The following ZNF800 variants were observed in gnomAD, a reference collection of about 807,000 sequenced individuals.
ZNF800 encodes zinc finger protein 800.
In ZNF800, 13 loss-of-function variants were observed where a neutral mutation model predicts 59.5. That is an observed-to-expected ratio of 0.22 (90% CI 0.14 to 0.35). The LOEUF (loss-of-function observed/expected upper bound fraction) is 0.35. Among genes scored for constraint, ZNF800 ranks in the 10% least tolerant of loss-of-function variants. ZNF800 has a pLI of 1.00. For synonymous variants in ZNF800, 266 were observed against 265.7 expected (o/e 1.00, Z -0.01); for missense variants, 621 against 783.7 (o/e 0.79, Z 2.48).
chr7:127,379,836 A>ACCCCCCCCCCCCCCCCCCCCCC (rs71179574), intron 3 of ZNF800, among the ~76,000 whole-genome samples: 23 of 27,648 alleles, frequency 8.3e-4, no homozygotes, highest in Admixed American at 1.9e-3. Flanking sequence ...TACCCTTGCC[A>ACCCCCCCCCCCCCCCCCCCCCC]CCCCCCCACC....
intron 3 of ZNF800, among the ~76,000 whole-genome samples, chr7:127,384,848 A>T (rs1801091998): frequency 6.6e-6 from 1 of 152,172 alleles, no homozygotes; most frequent in Non-Finnish European, 1.5e-5. Flanking sequence ...CTGTTAGTCG[A>T]GGGCAATTAT....
chr7:127,356,663 T>C (rs1187917886), intron 1 of ZNF800, among the ~76,000 whole-genome samples: 1 of 152,058 alleles, frequency 6.6e-6, no homozygotes, highest in Non-Finnish European at 1.5e-5. Context: ...CTTGTATTAT[T>C]TGATGTGGAT....
At chr7:127,368,998 T>TA (rs1257250029), downstream of ZNF800, among the ~76,000 whole-genome samples, 3 of 149,186 alleles carry the variant, frequency 2.0e-5, no homozygotes, top group Non-Finnish European at 4.4e-5. Flanking sequence ...GTTTTCTTCT[T>TA]AAAGAGTAAA....
At chr7:127,350,093 A>G (rs562126660) in intron 1 of ZNF800, 20 of 152,310 alleles carry the variant, frequency 1.3e-4, no homozygotes, top group African/African-American at 3.8e-4. Flanking sequence ...CGCATCCCAT[A>G]TTCTTCAAAT....
At chr7:127,359,235 T>G (rs1800344359) in intron 1 of ZNF800, among the ~76,000 whole-genome samples, 1 of 81,114 alleles carries the variant, frequency 1.2e-5, no homozygotes, top group Admixed American at 1.3e-4. Context: ...CAAATCTAGC[T>G]GTCACCACCC....
At chr7:127,376,768 T>A (rs919146160) in intron 4 of ZNF800, among the ~76,000 whole-genome samples, 2 of 151,936 alleles carry the variant, frequency 1.3e-5, no homozygotes, top group African/African-American at 4.8e-5. Flanking sequence ...TTCCCAACCT[T>A]CTCATTTACT....
intron 3 of ZNF800, among the ~76,000 whole-genome samples, chr7:127,379,145 A>G (rs1800878736): frequency 6.6e-6 from 1 of 152,180 alleles, no homozygotes; most frequent in African/African-American, 2.4e-5. Context: ...TTCTTTACAT[A>G]AAAGTAAATT....
downstream of ZNF800, among the ~76,000 whole-genome samples, chr7:127,368,304 G>T (rs1394865342): frequency 6.6e-6 from 1 of 152,080 alleles, no homozygotes; most frequent in Non-Finnish European, 1.5e-5. Flanking sequence ...CCACAGAACA[G>T]CTATTCCTGA....
At chr7:127,378,208 C>A (rs1418515792) in intron 3 of ZNF800, among the ~76,000 whole-genome samples, 2 of 151,858 alleles carry the variant, frequency 1.3e-5, no homozygotes, top group Admixed American at 6.6e-5. Context: ...ATCTAGGGAA[C>A]CTAAGTACTA....
chr7:127,383,765 T>C (rs894073374), intron 3 of ZNF800, among the ~76,000 whole-genome samples: 1 of 152,210 alleles, frequency 6.6e-6, no homozygotes, highest in Non-Finnish European at 1.5e-5. Context: ...ATAATTCTTT[T>C]TTTAATCCAA....
chr7:127,385,299 CTG>C (rs1211140236), intron 3 of ZNF800, among the ~76,000 whole-genome samples: 17 of 152,258 alleles, frequency 1.1e-4, no homozygotes, highest in African/African-American at 4.1e-4. Context: ...AGTGAATACT[CTG>C]TAATGTCAGA....
At chr7:127,354,647 G>A (rs912874010) in intron 1 of ZNF800, among the ~76,000 whole-genome samples, 10 of 152,042 alleles carry the variant, frequency 6.6e-5, no homozygotes, top group African/African-American at 2.4e-4. Flanking sequence ...AGATGGGGTA[G>A]GGAAAAAACT....
Position 127,373,801 on chromosome 7 carries a change from T to C in ZNF800, c.1535A>G (p.Asn512Ser). 1.2e-6 allele frequency: 2 copies of C among 1,614,162 alleles called. No individual in the cohort carries two copies. Among genetic ancestry groups the C allele is most frequent in the Non-Finnish European group, 1.7e-6 (2 of 1,180,016 alleles). The change falls in exon 5 of 6, where the codon AAT becomes AGT. Residue 512 changes from asparagine to serine, a missense_variant. By Grantham distance (46) the Asn-to-Ser change is conservative. Transcript: ENST00000265827. ...TKHIELHTDGNNIYVKFYKCP... is the reference protein window; with the variant it reads ...TKHIELHTDGSNIYVKFYKCP... ...CTTGTAGAATTTAACATAAATGTTA[T>C]TTCCATCTGTGTGCAACTCGATGTG... is the stretch of plus-strand genomic sequence containing the variant.
At chr7:127,372,235 T>C (rs1326907002) in intron 5 of ZNF800, among the ~76,000 whole-genome samples, 1 of 152,040 alleles carries the variant, frequency 6.6e-6, no homozygotes, top group African/African-American at 2.4e-5. Flanking sequence ...CCCCAGCACT[T>C]TGGGAGGCCG....
chr7:127,365,153 T>G (rs191389327), downstream of ZNF800, among the ~76,000 whole-genome samples: 2 of 152,140 alleles, frequency 1.3e-5, no homozygotes, highest in African/African-American at 4.8e-5. Flanking sequence ...CAATTATATA[T>G]GGGCTAATAC....
chr7:127,357,192 T>C (rs1312600855), intron 1 of ZNF800, among the ~76,000 whole-genome samples: 5 of 151,982 alleles, frequency 3.3e-5, no homozygotes, highest in Non-Finnish European at 7.4e-5. Context: ...CATACTAGTG[T>C]TTTCTAGATG....
intron 3 of ZNF800, among the ~76,000 whole-genome samples, chr7:127,379,836 A>AC (rs71179574): frequency 1.2e-3 from 34 of 27,634 alleles, no homozygotes; most frequent in East Asian, 2.1e-3. Flanking sequence ...TACCCTTGCC[A>AC]CCCCCCCACC....
chr7:127,374,571 TTTC>T lies in ZNF800; in HGVS notation c.762_764del (p.Lys256del). Reference sequence around the variant, plus strand: ...TGTACTTTTTTAGTTCTTCCATCTTTTTCTTGTGTACTTTTCGAATGTGACGGC... The same window carrying T: ...TGTACTTTTTTAGTTCTTCCATCTTTTTGTGTACTTTTCGAATGTGACGGC... On this transcript the variant is annotated inframe_deletion, in exon 5 of 6. Transcript: ENST00000265827. 6.2e-7 allele frequency: 1 copy of T among 1,614,148 alleles called. No individual in the cohort carries two copies. The highest frequency in any genetic ancestry group is 2.2e-5 in the East Asian group (1 of 44,880).
Position 127,374,478 on chromosome 7 carries a change from A to G in ZNF800, c.858T>C (p.Ser286=). The stretch of plus-strand genomic sequence containing the variant: ...ATTTACAACATACTGGACAACTCCT[A>G]CTTAATGGAACTAGAACATTCTTAC... The part of the protein sequence containing the change: ...GRSKNVLVPL[S]RSCPVCCKSF... Residue 286 remains serine (S), a synonymous_variant, in exon 5 of 6, where the codon AGT becomes AGC. Transcript: ENST00000265827. 1 of 1,614,106 alleles carries G rather than the reference A, an allele frequency of 6.2e-7. No individual in the cohort carries two copies.
Sources: gnomAD v4.1 joint callset for allele counts (sites outside exome capture counted in the v4.1 genomes callset) on GRCh38, gnomAD v4.1.1 for gene constraint, MANE v1.5 for transcripts, NCBI Gene and HGNC (gene_info 2026-07-23, HGNC 2026-07-21) for gene names.